Variants in SRGAP3 observed in about 807,000 individuals in gnomAD.
SRGAP3 encodes SLIT-ROBO Rho GTPase activating protein 3, also known as SLIT-ROBO Rho GTPase-activating protein 3.
A neutral mutation model predicts 121.1 loss-of-function variants in SRGAP3; 39 were observed. The ratio of observed to expected loss-of-function variants is 0.32; its 90% CI spans 0.25 to 0.42. The LOEUF (loss-of-function observed/expected upper bound fraction) is 0.42, where lower values mean the gene tolerates loss of function less well. SRGAP3 is among the 10% of genes least tolerant of loss of function. The probability of loss-of-function intolerance (pLI) is 1.00; values close to 1 mark genes in which losing one functional copy is unlikely to be tolerated. For synonymous variants in SRGAP3, 601 were observed against 570.0 expected (o/e 1.05, Z -0.77); for missense variants, 1,213 against 1,470.6 (o/e 0.82, Z 2.86).
chr3:9,007,298 A>G (rs1367339659), intron 18 of SRGAP3: 1 of 152,142 alleles, frequency 6.6e-6, no homozygotes, highest in East Asian at 1.9e-4. Context: ...CAAGAAAGGC[A>G]ACAGATACAC....
At chr3:9,005,283 C>T (rs1489020496) in intron 18 of SRGAP3, among the ~76,000 whole-genome samples, 1 of 152,168 alleles carries the variant, frequency 6.6e-6, no homozygotes, top group Non-Finnish European at 1.5e-5. Context: ...GTAACAAGTG[C>T]TAGCAAGGAT....
At chr3:9,244,260 T>A (rs1233763868) in intron 1 of SRGAP3, among the ~76,000 whole-genome samples, 1 of 152,222 alleles carries the variant, frequency 6.6e-6, no homozygotes, top group Non-Finnish European at 1.5e-5. Context: ...ATGTATCATA[T>A]ACTTTGTGTC....
chr3:9,314,477 G>C (rs1256768097), intron 3 of SRGAP3, among the ~76,000 whole-genome samples: 1 of 152,120 alleles, frequency 6.6e-6, no homozygotes, highest in African/African-American at 2.4e-5. Context: ...GGAAGAAGAA[G>C]AAAAGAATGT....
At chr3:9,108,798 A>T (rs1948514564) in intron 2 of SRGAP3, among the ~76,000 whole-genome samples, 1 of 152,176 alleles carries the variant, frequency 6.6e-6, no homozygotes, top group Non-Finnish European at 1.5e-5. Context: ...TAAGAGGACC[A>T]GGCAGGAGGT....
At chr3:9,103,014 A>T (rs1241055830) in intron 3 of SRGAP3, among the ~76,000 whole-genome samples, 3 of 151,582 alleles carry the variant, frequency 2.0e-5, no homozygotes, top group Non-Finnish European at 2.9e-5. Flanking sequence ...GCACTGTGTA[A>T]TTTTTTTTTC....
At chr3:9,002,926 T>C (rs1353129578) in intron 18 of SRGAP3, among the ~76,000 whole-genome samples, 2 of 152,048 alleles carry the variant, frequency 1.3e-5, no homozygotes, top group Non-Finnish European at 2.9e-5. Flanking sequence ...TAACAAGAGA[T>C]TGAATCAATC....
chr3:9,112,106 C>T (rs1387294874), intron 2 of SRGAP3, among the ~76,000 whole-genome samples: 1 of 152,126 alleles, frequency 6.6e-6, no homozygotes, highest in African/African-American at 2.4e-5. Flanking sequence ...TCCAGCTTCT[C>T]GGCTGAGGGC....
chr3:8,983,555 A>C lies in SRGAP3; in HGVS notation c.*1964T>G, dbSNP rs369761556. 19 of 230,388 alleles carry C rather than the reference A, an allele frequency of 8.2e-5. No homozygotes were observed. The South Asian group carries it at 1.1e-3, about 13-fold the overall frequency. The allele number at this position is 230,388 out of a possible 1,614,324, so 14.3% of individuals were successfully genotyped here. A position where few individuals can be genotyped will look rare whatever the true frequency, so the allele number is the denominator to read the frequency against. Reference sequence around the variant, plus strand: ...CAGAGGAGAGGGCACCACTTCATCCAATGGGCTGAAATGTTAATGATGGAA... The same window carrying C: ...CAGAGGAGAGGGCACCACTTCATCCCATGGGCTGAAATGTTAATGATGGAA... On this transcript the variant is annotated 3_prime_UTR_variant, in exon 22 of 22. Coordinates refer to ENST00000383836, the MANE Select transcript of SRGAP3 (RefSeq NM_014850.4).
chr3:9,010,681 T>C (rs1210547392), intron 17 of SRGAP3, among the ~76,000 whole-genome samples: 2 of 152,124 alleles, frequency 1.3e-5, no homozygotes, highest in Non-Finnish European at 2.9e-5. Flanking sequence ...TTCTGTAAGA[T>C]CCAGAGGGCA....
At chr3:9,068,254 T>C (rs903037165) in intron 4 of SRGAP3, among the ~76,000 whole-genome samples, 7 of 152,244 alleles carry the variant, frequency 4.6e-5, no homozygotes, top group African/African-American at 1.7e-4. Flanking sequence ...TAGATCTTCC[T>C]GTCCAATCAC....
intron 3 of SRGAP3, among the ~76,000 whole-genome samples, chr3:9,304,068 G>A (rs1023412793): frequency 4.6e-5 from 7 of 152,124 alleles, no homozygotes; most frequent in African/African-American, 7.2e-5. Flanking sequence ...GTCCAGGGTC[G>A]CACTGCTGCC....
At chr3:9,216,598 C>A (rs1336837244) in intron 1 of SRGAP3, 1 of 152,670 alleles carries the variant, frequency 6.6e-6, no homozygotes, top group Non-Finnish European at 1.5e-5. Context: ...GTTGCAGTTA[C>A]GCACTGTCAC....
chr3:8,985,327 G>T lies in SRGAP3; in HGVS notation c.*192C>A. 2 of 1,255,218 alleles carry T rather than the reference G, an allele frequency of 1.6e-6. No individual in the cohort carries two copies. The highest frequency in any genetic ancestry group is 3.2e-5 in the South Asian group (2 of 62,322). 77.8% of individuals were successfully genotyped at this position (1,255,218 alleles called of 1,614,324 possible). The stretch of plus-strand genomic sequence containing the variant: ...CTGGTCGTCTGTTGACACGCGAGAG[G>T]TCCGTGGGATTCCCATGGCTGGACG... On this transcript the variant is annotated 3_prime_UTR_variant, in exon 22 of 22. Coordinates refer to ENST00000383836, the MANE Select transcript of SRGAP3 (RefSeq NM_014850.4). This position sits in a 1 kb window ranked among gnomAD's most constrained non-coding sequence, Gnocchi z 5.1.
chr3:9,006,410 A>AG (rs1553637247), intron 18 of SRGAP3, among the ~76,000 whole-genome samples: 4 of 151,368 alleles, frequency 2.6e-5, no homozygotes, highest in Admixed American at 6.6e-5. Flanking sequence ...AAAAAAAAAA[A>AG]AAAAGAAAAG....
chr3:9,301,600 T>A (rs1269916723), intron 3 of SRGAP3, among the ~76,000 whole-genome samples: 2 of 152,232 alleles, frequency 1.3e-5, no homozygotes, highest in African/African-American at 2.4e-5. Context: ...TGAGCACGGC[T>A]GATGCCTGTG....
intron 18 of SRGAP3, among the ~76,000 whole-genome samples, chr3:9,002,491 C>G (rs1160774054): frequency 6.6e-6 from 1 of 151,994 alleles, no homozygotes; most frequent in Non-Finnish European, 1.5e-5. Context: ...GAAAAAAACC[C>G]AAACCTCAAA....
At chr3:9,237,820 G>A (rs1953469073) in intron 1 of SRGAP3, among the ~76,000 whole-genome samples, 1 of 152,214 alleles carries the variant, frequency 6.6e-6, no homozygotes, top group Non-Finnish European at 1.5e-5. Flanking sequence ...GCAATGAGAT[G>A]CTACTGAAGG....
chr3:9,296,095 T>TACATTTA (rs1954950295), intron 3 of SRGAP3, among the ~76,000 whole-genome samples: 1 of 152,236 alleles, frequency 6.6e-6, no homozygotes, highest in Non-Finnish European at 1.5e-5. Flanking sequence ...AATGCTGCTA[T>TACATTTA]GAACATTAGT....
At chr3:9,162,844 A>C (rs1950642713) in intron 1 of SRGAP3, among the ~76,000 whole-genome samples, 1 of 152,240 alleles carries the variant, frequency 6.6e-6, no homozygotes, top group South Asian at 2.1e-4. Flanking sequence ...TTTAGTTGAA[A>C]TAGTGTAAAT....
Sources: gnomAD v4.1 joint callset for allele counts (sites outside exome capture counted in the v4.1 genomes callset) on GRCh38, gnomAD v4.1.1 for gene constraint, Gnocchi (gnomAD v3.1) non-coding constraint, MANE v1.5 for transcripts, NCBI Gene and HGNC (gene_info 2026-07-23, HGNC 2026-07-21) for gene names.